GALNTL6: variants seen among roughly 807,000 people sequenced by gnomAD.
GALNTL6 encodes polypeptide N-acetylgalactosaminyltransferase like 6.
In GALNTL6, 46 loss-of-function variants were observed where a neutral mutation model predicts 73.7. That is an observed-to-expected ratio of 0.62 (90% CI 0.49 to 0.80). The LOEUF is 0.80. Ranked by LOEUF, GALNTL6 falls within the 30% of genes least tolerant of loss-of-function variation. The pLI is 0.00. For synonymous variants in GALNTL6, 259 were observed against 263.7 expected (o/e 0.98, Z 0.17); for missense variants, 604 against 755.0 (o/e 0.80, Z 2.34).
chr4:172,624,798 CT>C (rs58365764), intron 5 of GALNTL6, among the ~76,000 whole-genome samples: 62,855 of 150,328 alleles, frequency 0.42, 15,643 homozygotes, highest in East Asian at 0.68. Flanking sequence ...CTTACCAGGT[CT>C]TTTTTTTCTT....
intron 7 of GALNTL6, among the ~76,000 whole-genome samples, chr4:172,868,587 G>T (rs1360628345): frequency 6.6e-6 from 1 of 152,148 alleles, no homozygotes; most frequent in Non-Finnish European, 1.5e-5. Flanking sequence ...AGGGCAAGTA[G>T]AAATGTAAAT....
chr4:171,903,508 C>CGCTGATTG (rs1239176909), intron 2 of GALNTL6, among the ~76,000 whole-genome samples: 2 of 151,694 alleles, frequency 1.3e-5, no homozygotes, highest in East Asian at 3.9e-4. Context: ...CACGGAGTCT[C>CGCTGATTG]GCTGATTGCT....
At chr4:172,537,598 G>A (rs116122574) in intron 5 of GALNTL6, among the ~76,000 whole-genome samples, 2,168 of 152,222 alleles carry the variant, frequency 0.014, 20 homozygotes, top group Non-Finnish European at 0.021. Flanking sequence ...TGTCCTTATA[G>A]CAGCATGAGA....
intron 5 of GALNTL6, among the ~76,000 whole-genome samples, chr4:172,793,654 G>A (rs1273987706): frequency 6.6e-6 from 1 of 152,142 alleles, no homozygotes; most frequent in East Asian, 1.9e-4. Context: ...TTTGTTGCTG[G>A]ACTATCAGTA....
chr4:172,052,452 C>A (rs1730903237), intron 2 of GALNTL6: 3 of 1,534,976 alleles, frequency 2.0e-6, no homozygotes, highest in South Asian at 1.2e-5. Flanking sequence ...CAGATGAGAG[C>A]CAAGTTCAGA....
chr4:173,022,247 T>A (rs77110752), intron 12 of GALNTL6, among the ~76,000 whole-genome samples: 11,973 of 150,894 alleles, frequency 0.079, 966 homozygotes, highest in African/African-American at 0.2. Context: ...TTTTACCTAG[T>A]CATACATACA....
At chr4:172,589,977 C>G (rs1737571261) in intron 5 of GALNTL6, among the ~76,000 whole-genome samples, 2 of 152,094 alleles carry the variant, frequency 1.3e-5, no homozygotes, top group Admixed American at 1.3e-4. Flanking sequence ...TCAAATCTGC[C>G]CTGCTAGGGA....
chr4:172,363,125 T>C (rs1192065464), intron 5 of GALNTL6, among the ~76,000 whole-genome samples: 1 of 152,194 alleles, frequency 6.6e-6, no homozygotes, highest in Admixed American at 6.5e-5. Flanking sequence ...TCTTTCTCTA[T>C]AGTCCATATG....
chr4:172,001,873 T>C (rs1175149773), intron 2 of GALNTL6, among the ~76,000 whole-genome samples: 1 of 152,156 alleles, frequency 6.6e-6, no homozygotes, highest in African/African-American at 2.4e-5. Flanking sequence ...GAACAACATT[T>C]TCCTTCAGAC....
chr4:173,017,762 C>T (rs761426566), intron 11 of GALNTL6, among the ~76,000 whole-genome samples: 4 of 152,264 alleles, frequency 2.6e-5, no homozygotes, highest in Admixed American at 6.5e-5. Flanking sequence ...CACTACAATA[C>T]GCAGAAACAA....
At chr4:171,951,381 T>C (rs1361390402) in intron 2 of GALNTL6, among the ~76,000 whole-genome samples, 1 of 152,050 alleles carries the variant, frequency 6.6e-6, no homozygotes, top group Non-Finnish European at 1.5e-5. Flanking sequence ...GCAATGTACA[T>C]GATAAAATGT....
chr4:172,305,121 G>T (rs1182797474), intron 3 of GALNTL6, among the ~76,000 whole-genome samples: 1 of 151,912 alleles, frequency 6.6e-6, no homozygotes, highest in Non-Finnish European at 1.5e-5. Flanking sequence ...CTACCCAGTG[G>T]TGCATATAGT....
intron 5 of GALNTL6, among the ~76,000 whole-genome samples, chr4:172,540,218 T>C (rs1363628187): frequency 6.6e-6 from 1 of 151,772 alleles, no homozygotes; most frequent in Non-Finnish European, 1.5e-5. Flanking sequence ...GCCTGGCTAA[T>C]TTTTTGTATT....
chr4:172,458,676 A>G (rs1236917786), intron 5 of GALNTL6, among the ~76,000 whole-genome samples: 1 of 152,178 alleles, frequency 6.6e-6, no homozygotes, highest in Non-Finnish European at 1.5e-5. Context: ...ACCAAGATGA[A>G]GCCAAATCCT....
chr4:173,010,889 G>A (rs1579778313), intron 11 of GALNTL6, among the ~76,000 whole-genome samples: 2 of 151,700 alleles, frequency 1.3e-5, no homozygotes, highest in Admixed American at 6.6e-5. Flanking sequence ...ACAGGCATAA[G>A]CCACCACGCC....
intron 5 of GALNTL6, among the ~76,000 whole-genome samples, chr4:172,751,138 G>A (rs1466967368): frequency 6.6e-6 from 1 of 152,132 alleles, no homozygotes; most frequent in African/African-American, 2.4e-5. Context: ...TACCTTTTAC[G>A]CATATGGAAG....
chr4:172,618,031 G>T (rs1266761033), intron 5 of GALNTL6, among the ~76,000 whole-genome samples: 1 of 152,056 alleles, frequency 6.6e-6, no homozygotes, highest in African/African-American at 2.4e-5. Context: ...TGGCATAAAT[G>T]CACAAAGGAA....
At chr4:171,858,733 T>G (rs1735754396) in intron 2 of GALNTL6, among the ~76,000 whole-genome samples, 1 of 152,100 alleles carries the variant, frequency 6.6e-6, no homozygotes. Context: ...AACTTGCAGT[T>G]CTCTTCAAAA....
intron 2 of GALNTL6, among the ~76,000 whole-genome samples, chr4:171,978,282 C>A (rs928670673): frequency 2.0e-5 from 3 of 152,106 alleles, no homozygotes; most frequent in African/African-American, 7.2e-5. Flanking sequence ...TGCTACAACA[C>A]CCTTAAAAAC....
Sources: gnomAD v4.1 joint callset for allele counts (sites outside exome capture counted in the v4.1 genomes callset) on GRCh38, gnomAD v4.1.1 for gene constraint, MANE v1.5 for transcripts, NCBI Gene and HGNC (gene_info 2026-07-23, HGNC 2026-07-21) for gene names.